The following CYP2J2 variants were observed in gnomAD, a reference collection of about 807,000 sequenced individuals.
CYP2J2 encodes cytochrome P450 2J2.
In CYP2J2, 41 loss-of-function variants were observed where a neutral mutation model predicts 48.8. That is an observed-to-expected ratio of 0.84 (90% CI 0.66 to 1.09). CYP2J2 has a LOEUF of 1.09. CYP2J2 is among the 50% of genes least tolerant of loss of function. The pLI is 0.00. For synonymous variants in CYP2J2, 221 were observed against 227.1 expected (o/e 0.97, Z 0.24); for missense variants, 644 against 617.3 (o/e 1.04, Z -0.46).
the CYP2J2 span, among the ~76,000 whole-genome samples, chr1:59,957,712 C>T: frequency 6.6e-6 from 1 of 151,744 alleles, no homozygotes; most frequent in Non-Finnish European, 1.5e-5. Flanking sequence ...ACCACACACA[C>T]ACACCACACA....
chr1:59,947,042 T>A, the CYP2J2 span, among the ~76,000 whole-genome samples: 1 of 152,174 alleles, frequency 6.6e-6, no homozygotes, highest in Non-Finnish European at 1.5e-5. Context: ...CCCCAAACTA[T>A]TCATCCATTA....
At chr1:59,929,448 C>T (rs894556829), upstream of CYP2J2, among the ~76,000 whole-genome samples, 4 of 152,024 alleles carry the variant, frequency 2.6e-5, no homozygotes, top group East Asian at 1.9e-4. Context: ...AGATGTCAAA[C>T]GTAGCAAAGA....
In CYP2J2 at chr1:59,926,751, C is replaced by T. The variant is rs1644569369; in HGVS notation, c.-5G>A. Reference sequence around the variant, plus strand: ...AGAGCCCATCGCCGCGAGCATGGCTCAGACGTCCTCCTGCTCTTCTGCGGT... The same window carrying T: ...AGAGCCCATCGCCGCGAGCATGGCTTAGACGTCCTCCTGCTCTTCTGCGGT... On this transcript the variant is annotated 5_prime_UTR_variant, in exon 1 of 9. Coordinates refer to ENST00000371204, the MANE Select transcript of CYP2J2 (RefSeq NM_000775.4). The T allele has an allele frequency of 6.2e-7, 1 of 1,610,174 alleles. No homozygotes were observed. Among genetic ancestry groups the T allele is most frequent in the Admixed American group, 1.7e-5 (1 of 59,402 alleles).
chr1:59,957,805 GAC>G, the CYP2J2 span, among the ~76,000 whole-genome samples: 1 of 151,940 alleles, frequency 6.6e-6, no homozygotes, highest in African/African-American at 2.4e-5. Context: ...CCCACACAAT[GAC>G]ACACGGTCTT....
chr1:59,912,379 G>A lies in CYP2J2; in HGVS notation c.374-68C>T, dbSNP rs1013280. ...ATATGAATATCCAGCAAATGATATG[G>A]GAATGTGTATCAGATGAAGGACAGG... On this transcript the variant is annotated intron_variant, in intron 2 of 8. Coordinates refer to ENST00000371204, the MANE Select transcript of CYP2J2 (RefSeq NM_000775.4). 3,251 of 1,503,728 alleles carry A rather than the reference G, an allele frequency of 2.2e-3. 50 individuals carry two copies. The African/African-American group carries it at 0.04, about 18-fold the overall frequency. The allele number at this position is 1,503,728 out of a possible 1,614,324, so 93.1% of individuals were successfully genotyped here. A position where few individuals can be genotyped will look rare whatever the true frequency, so the allele number is the denominator to read the frequency against.
chr1:59,925,941 G>A (rs1399762017), intron 1 of CYP2J2, among the ~76,000 whole-genome samples: 2 of 152,212 alleles, frequency 1.3e-5, no homozygotes, highest in African/African-American at 2.4e-5. Flanking sequence ...CAGAGTCGGG[G>A]AGCCCTGATA....
the CYP2J2 span, among the ~76,000 whole-genome samples, chr1:59,968,876 T>C: frequency 8.5e-5 from 13 of 152,232 alleles, no homozygotes; most frequent in Non-Finnish European, 1.3e-4. Context: ...GTGAGTGTTA[T>C]AGCTCTTAAG....
chr1:59,936,539 A>C, the CYP2J2 span, among the ~76,000 whole-genome samples: 1 of 152,094 alleles, frequency 6.6e-6, no homozygotes, highest in African/African-American at 2.4e-5. Context: ...AAACACATGC[A>C]CCTTGGATTT....
the CYP2J2 span, among the ~76,000 whole-genome samples, chr1:59,943,562 T>C: frequency 1.3e-5 from 2 of 152,226 alleles, no homozygotes; most frequent in African/African-American, 4.8e-5. Flanking sequence ...AGTTGAAGTT[T>C]AGCAAGGAAA....
At chr1:59,900,761 A>C (rs1251176848) in intron 8 of CYP2J2, among the ~76,000 whole-genome samples, 2 of 152,172 alleles carry the variant, frequency 1.3e-5, no homozygotes, top group African/African-American at 4.8e-5. Context: ...GAGGCAATGA[A>C]TGGAGGGCTT....
intron 1 of CYP2J2, among the ~76,000 whole-genome samples, chr1:59,925,581 A>T (rs1644556575): frequency 6.6e-6 from 1 of 152,240 alleles, no homozygotes; most frequent in African/African-American, 2.4e-5. Context: ...TTAAATAAGG[A>T]CACAGGTTTG....
At chr1:59,910,204 T>A (rs1415613552) in intron 4 of CYP2J2, among the ~76,000 whole-genome samples, 1 of 152,182 alleles carries the variant, frequency 6.6e-6, no homozygotes, top group Non-Finnish European at 1.5e-5. Context: ...AAAATACTTA[T>A]GAGACATCTG....
the CYP2J2 span, among the ~76,000 whole-genome samples, chr1:59,939,806 A>G: frequency 6.6e-6 from 1 of 151,778 alleles, no homozygotes; most frequent in Admixed American, 6.6e-5. Flanking sequence ...AGCTCTTCCC[A>G]TTTTTCCCTC....
intron 8 of CYP2J2, among the ~76,000 whole-genome samples, chr1:59,895,582 T>A (rs1644261521): frequency 6.6e-6 from 1 of 152,204 alleles, no homozygotes; most frequent in African/African-American, 2.4e-5. Flanking sequence ...CCATTCTCAT[T>A]AAGCTGTGAT....
intron 1 of CYP2J2, 81 bp from the exon 2 acceptor site, chr1:59,916,181 G>C: frequency 8.1e-7 from 1 of 1,239,236 alleles, no homozygotes; most frequent in Non-Finnish European, 1.1e-6. Flanking sequence ...AGCTGGAGGG[G>C]ATCATATTGA....
At chr1:59,962,358 C>A in the CYP2J2 span, among the ~76,000 whole-genome samples, 1 of 152,094 alleles carries the variant, frequency 6.6e-6, no homozygotes. Flanking sequence ...AGGATGGCAG[C>A]CATGTAGCCA....
the CYP2J2 span, among the ~76,000 whole-genome samples, chr1:59,939,844 C>T: frequency 3.3e-5 from 5 of 152,198 alleles, no homozygotes; most frequent in African/African-American, 4.8e-5. Context: ...AGAGCCTTAT[C>T]CCATGGCCAC....
Position 59,893,587 on chromosome 1 carries a change from C to T in CYP2J2, c.*64G>A. ...TTGTCCCAACACATCTGAGCAGACA[C>T]CAGTGGTTTCAGAACACGTGCCATG... On this transcript the variant is annotated 3_prime_UTR_variant, in exon 9 of 9. Transcript: ENST00000371204. 3.2e-6 allele frequency: 4 copies of T among 1,264,346 alleles called. No individual in the cohort carries two copies. Among genetic ancestry groups the T allele is most frequent in the Non-Finnish European group, 4.4e-6 (4 of 908,476 alleles). The allele number at this position is 1,264,346 out of a possible 1,614,324, so 78.3% of individuals were successfully genotyped here. A position where few individuals can be genotyped will look rare whatever the true frequency, so the allele number is the denominator to read the frequency against.
At chr1:59,917,418 A>G (rs541803649) in intron 1 of CYP2J2, among the ~76,000 whole-genome samples, 136 of 152,346 alleles carry the variant, frequency 8.9e-4, no homozygotes, top group African/African-American at 3.1e-3. Flanking sequence ...CAGTAGTAAT[A>G]GTTCTTATCT....
Sources: gnomAD v4.1 joint callset for allele counts (sites outside exome capture counted in the v4.1 genomes callset) on GRCh38, gnomAD v4.1.1 for gene constraint, MANE v1.5 for transcripts, NCBI Gene and HGNC (gene_info 2026-07-23, HGNC 2026-07-21) for gene names.